STAT3: variants seen among roughly 807,000 people sequenced by gnomAD.
STAT3 encodes signal transducer and activator of transcription 3.
In STAT3, 7 loss-of-function variants were observed where a neutral mutation model predicts 114.3. The ratio of observed to expected loss-of-function variants is 0.06; its 90% CI spans 0.03 to 0.11. STAT3 has a LOEUF of 0.11. Ranked by LOEUF, STAT3 falls within the 10% of genes least tolerant of loss-of-function variation. STAT3 has a pLI of 1.00. For missense variants in STAT3, 364 were observed against 960.9 expected (o/e 0.38, Z 8.21); for synonymous variants, 331 against 354.5 (o/e 0.93, Z 0.74).
intron 1 of STAT3, among the ~76,000 whole-genome samples, chr17:42,357,097 AT>A (rs1287877701): frequency 1.3e-5 from 2 of 152,098 alleles, no homozygotes; most frequent in African/African-American, 4.8e-5. Flanking sequence ...CTGAAAAGAA[AT>A]TTTTATTTAA....
At chr17:42,360,813 T>C (rs1024470883) in intron 1 of STAT3, among the ~76,000 whole-genome samples, 2 of 152,236 alleles carry the variant, frequency 1.3e-5, no homozygotes, top group East Asian at 3.9e-4. Flanking sequence ...TCTAATTCTG[T>C]GTATCAAAAT....
At chr17:42,344,046 T>C (rs1023488962) in intron 4 of STAT3, among the ~76,000 whole-genome samples, 2 of 152,252 alleles carry the variant, frequency 1.3e-5, no homozygotes, top group Non-Finnish European at 2.9e-5. Context: ...TATCTTTTGC[T>C]GTTTTTACTG....
At chr17:42,346,230 G>C (rs981340442) in intron 3 of STAT3, among the ~76,000 whole-genome samples, 2 of 152,146 alleles carry the variant, frequency 1.3e-5, no homozygotes, top group African/African-American at 4.8e-5. Flanking sequence ...GGAAGCTACT[G>C]ACTTAGTCAA....
rs752235250 is a variant in STAT3 at position 42,337,784 on chromosome 17, A to G, written c.624T>C (p.Thr208=). 1.2e-6 allele frequency: 2 copies of G among 1,614,246 alleles called. No homozygotes were observed. The highest frequency in any genetic ancestry group is 1.7e-6 in the Non-Finnish European group (2 of 1,180,052). The stretch of plus-strand genomic sequence containing the variant: ...TTACTCTCCGCATCTGGTCCAGCGC[A>G]GTGAGCATCTGTTCCAGCTGCTGCA... The part of the protein sequence containing the change: ...QKMQQLEQML[T]ALDQMRRSIV... The change falls in exon 7 of 24, where the codon ACT becomes ACC. Residue 208 remains threonine, a synonymous_variant. Coordinates refer to ENST00000264657, the MANE Select transcript of STAT3 (RefSeq NM_139276.3). This position sits in a 1 kb window ranked among gnomAD's most constrained non-coding sequence, Gnocchi z 4.0.
intron 1 of STAT3, among the ~76,000 whole-genome samples, chr17:42,385,475 C>G (rs990292743): frequency 1.3e-5 from 2 of 148,434 alleles, no homozygotes; most frequent in Admixed American, 1.4e-4. Flanking sequence ...TGCCACTGCA[C>G]TCCAGCCTGG....
At chr17:42,326,824 A>G (rs114206339) in intron 14 of STAT3, among the ~76,000 whole-genome samples, 2,826 of 152,232 alleles carry the variant, frequency 0.019, 93 homozygotes, top group African/African-American at 0.065. Flanking sequence ...TGTCTCAATC[A>G]ATCAGTCAAT....
At chr17:42,335,053 C>T (rs1320991863) in intron 8 of STAT3, among the ~76,000 whole-genome samples, 2 of 152,214 alleles carry the variant, frequency 1.3e-5, no homozygotes, top group African/African-American at 4.8e-5. Context: ...CCAGGCCCTT[C>T]ACCATCATGG....
At chr17:42,336,058 G>C (rs932263137) in intron 8 of STAT3, among the ~76,000 whole-genome samples, 1 of 152,056 alleles carries the variant, frequency 6.6e-6, no homozygotes. Context: ...AAGCTTCTTC[G>C]TTCCCTGGTC....
intron 8 of STAT3, among the ~76,000 whole-genome samples, chr17:42,335,875 A>G (rs1251114163): frequency 6.6e-6 from 1 of 152,130 alleles, no homozygotes; most frequent in Non-Finnish European, 1.5e-5. Context: ...AAAAATTAAA[A>G]AAAGAGAGAA....
At chr17:42,316,211 A>C in intron 23 of STAT3, 4 of 504,516 alleles carry the variant, frequency 7.9e-6, no homozygotes, top group Non-Finnish European at 1.2e-5. Flanking sequence ...AAAGAATAAA[A>C]AAAGGTCTCA....
intron 21 of STAT3, 24 bp from the exon 22 acceptor site, chr17:42,317,248 C>T (rs878932509): frequency 6.2e-7 from 1 of 1,612,834 alleles, no homozygotes. Context: ...AACCAGTTTT[C>T]TTACTGACTG....
intron 1 of STAT3, among the ~76,000 whole-genome samples, chr17:42,365,588 T>G (rs1407134848): frequency 6.6e-6 from 1 of 152,068 alleles, no homozygotes; most frequent in African/African-American, 2.4e-5. Flanking sequence ...AGAGTCCAAC[T>G]TCCATAAGAA....
chr17:42,367,886 G>C (rs1465608432), intron 1 of STAT3, among the ~76,000 whole-genome samples: 11 of 152,172 alleles, frequency 7.2e-5, no homozygotes, highest in Non-Finnish European at 1.5e-5. Flanking sequence ...CACACTTTTA[G>C]CATAGAGAAA....
chr17:42,362,791 A>T (rs1431097806), intron 1 of STAT3, among the ~76,000 whole-genome samples: 1 of 152,182 alleles, frequency 6.6e-6, no homozygotes, highest in Non-Finnish European at 1.5e-5. Flanking sequence ...CATGACCGAC[A>T]TCCTGGCTGG....
In STAT3 at chr17:42,382,636, G is replaced by A. The variant is rs1023265372; in HGVS notation, c.-24+5643C>T. Among the ~76,000 whole-genome samples the A allele has an allele frequency of 7.4e-4, 112 of 151,930 alleles. 1 individual carries two copies. Among genetic ancestry groups the A allele is most frequent in the Non-Finnish European group, 9.1e-4 (62 of 67,924 alleles). On this transcript the variant is annotated intron_variant, in intron 1 of 23. Coordinates refer to ENST00000264657, the MANE Select transcript of STAT3 (RefSeq NM_139276.3). ...TTGCTGATCTGAATTAAAGAGTTGC[G>A]GTAATCCTTTTTTTTTTCTTTTTTT... is the stretch of plus-strand genomic sequence containing the variant.
intron 1 of STAT3, among the ~76,000 whole-genome samples, chr17:42,363,026 A>T (rs138582052): frequency 9.6e-4 from 146 of 152,302 alleles, no homozygotes; most frequent in African/African-American, 3.4e-3. Flanking sequence ...AGACAAGAAG[A>T]GTCTTGGCTT....
chr17:42,370,158 T>C (rs971920109), intron 1 of STAT3, among the ~76,000 whole-genome samples: 5 of 150,696 alleles, frequency 3.3e-5, no homozygotes, highest in East Asian at 3.9e-4. Context: ...TTAGTAGAGA[T>C]GGGGTTTCGC....
intron 1 of STAT3, among the ~76,000 whole-genome samples, chr17:42,380,164 G>C (rs763981521): frequency 4.6e-5 from 7 of 151,918 alleles, no homozygotes; most frequent in Non-Finnish European, 1.0e-4. Flanking sequence ...AGCCTCCCGG[G>C]TAGCTGGGAC....
intron 3 of STAT3, 105 bp from the exon 4 acceptor site, chr17:42,345,762 T>C: frequency 8.7e-7 from 1 of 1,146,142 alleles, no homozygotes; most frequent in Non-Finnish European, 1.3e-6. Flanking sequence ...AAAGCATTTA[T>C]TCTAGGAAAC....
Sources: gnomAD v4.1 joint callset for allele counts (sites outside exome capture counted in the v4.1 genomes callset) on GRCh38, gnomAD v4.1.1 for gene constraint, Gnocchi (gnomAD v3.1) non-coding constraint, MANE v1.5 for transcripts, NCBI Gene and HGNC (gene_info 2026-07-23, HGNC 2026-07-21) for gene names.